The following PGBD5 variants were observed in gnomAD, a reference collection of about 807,000 sequenced individuals.
PGBD5 encodes piggyBac transposable element-derived protein 5.
In PGBD5, 14 loss-of-function variants were observed where a neutral mutation model predicts 47.9. The ratio of observed to expected loss-of-function variants is 0.29; its 90% CI spans 0.19 to 0.46. The LOEUF is 0.46. Ranked by LOEUF, PGBD5 falls within the 20% of genes least tolerant of loss-of-function variation. The probability of loss-of-function intolerance (pLI) is 1.00; values close to 1 mark genes in which losing one functional copy is unlikely to be tolerated. For missense variants in PGBD5, 635 were observed against 716.0 expected, an observed-to-expected ratio of 0.89 and a Z score of 1.29; for synonymous variants, 316 against 306.3, an observed-to-expected ratio of 1.03 and a Z score of -0.33.
At chr1:230,379,672 A>G (rs1453693423) in intron 1 of PGBD5, among the ~76,000 whole-genome samples, 1 of 152,194 alleles carries the variant, frequency 6.6e-6, no homozygotes, top group Non-Finnish European at 1.5e-5. Flanking sequence ...TACCCAGCTC[A>G]ACTAGCCTGT....
intron 3 of PGBD5, among the ~76,000 whole-genome samples, chr1:230,345,749 TA>T (rs1167631916): frequency 6.6e-6 from 1 of 152,226 alleles, no homozygotes; most frequent in African/African-American, 2.4e-5. Flanking sequence ...ATCACGAGGG[TA>T]AACAACCATG....
At chr1:230,358,845 A>G (rs996696741) in intron 1 of PGBD5, among the ~76,000 whole-genome samples, 4 of 152,232 alleles carry the variant, frequency 2.6e-5, no homozygotes, top group South Asian at 2.1e-4. Context: ...ACAGGTTTGT[A>G]TAAGTATACT....
intron 1 of PGBD5, among the ~76,000 whole-genome samples, chr1:230,401,900 G>C (rs1019585790): frequency 2.0e-4 from 30 of 152,188 alleles, no homozygotes; most frequent in Admixed American, 2.0e-3. Flanking sequence ...CCCAGGCAAG[G>C]AGAGGCAAGG....
In PGBD5 at chr1:230,314,941, C is replaced by A. The variant is rs1428371719; in HGVS notation, c.*8484G>T. 6.6e-6 allele frequency: 1 copy of A among 151,932 alleles called. No individual in the cohort carries two copies. Among genetic ancestry groups the A allele is most frequent in the Non-Finnish European group, 1.5e-5 (1 of 68,032 alleles). 9.4% of individuals were successfully genotyped at this position (151,932 alleles called of 1,614,324 possible). Reference sequence around the variant, plus strand: ...GATTTCCTCATCATCAATGGCGGCTCTCCTGAACTAGGGATGAGTGTGAAT... The same window carrying A: ...GATTTCCTCATCATCAATGGCGGCTATCCTGAACTAGGGATGAGTGTGAAT... On this transcript the variant is annotated 3_prime_UTR_variant, in exon 7 of 7. Coordinates refer to ENST00000391860, the MANE Select transcript of PGBD5 (RefSeq NM_001258311.2).
intron 4 of PGBD5, among the ~76,000 whole-genome samples, chr1:230,335,782 C>T (rs199922710): frequency 1.8e-3 from 1 of 562 alleles, no homozygotes; most frequent in African/African-American, 7.2e-3. Flanking sequence ...CAGACACACA[C>T]ACACACACAG....
intron 5 of PGBD5, among the ~76,000 whole-genome samples, chr1:230,328,889 G>C (rs146541233): frequency 3.9e-5 from 6 of 152,246 alleles, no homozygotes; most frequent in African/African-American, 1.4e-4. Context: ...AAAGCAAAAG[G>C]GTTTGGTTCA....
chr1:230,418,189 T>A (rs2102754438), intron 1 of PGBD5, among the ~76,000 whole-genome samples: 1 of 152,262 alleles, frequency 6.6e-6, no homozygotes, highest in East Asian at 1.9e-4. Context: ...CACTCCTAGG[T>A]ATACATGGCC....
At chr1:230,346,750 C>T (rs1667477907) in intron 3 of PGBD5, among the ~76,000 whole-genome samples, 1 of 152,202 alleles carries the variant, frequency 6.6e-6, no homozygotes, top group Admixed American at 6.5e-5. Flanking sequence ...CTTACCCCTA[C>T]AGGTGCCTTC....
intron 1 of PGBD5, among the ~76,000 whole-genome samples, chr1:230,411,072 C>T (rs1657397363): frequency 6.6e-6 from 1 of 151,838 alleles, no homozygotes; most frequent in Non-Finnish European, 1.5e-5. Flanking sequence ...TGCCCAGGAG[C>T]TCAAGACCAG....
At chr1:230,353,409 T>C (rs564505157) in intron 2 of PGBD5, among the ~76,000 whole-genome samples, 3 of 152,204 alleles carry the variant, frequency 2.0e-5, no homozygotes, top group Admixed American at 2.0e-4. Flanking sequence ...TATCTCCCCA[T>C]TTTGTATTTG....
At chr1:230,325,916 C>G (rs1667109503) in intron 5 of PGBD5, among the ~76,000 whole-genome samples, 1 of 144,992 alleles carries the variant, frequency 6.9e-6, no homozygotes, top group South Asian at 2.5e-4. Flanking sequence ...TCACCCCACA[C>G]AGGGTGACTG....
In PGBD5 at chr1:230,425,408, C is replaced by T. The variant is rs1035151927; in HGVS notation, c.331+190G>A. ...CTGGCCACGGCCTCCGCCTTACCCTCTCCACCCACGGGTTCGGAGCCCCCA... is the reference window on the plus strand; with the variant it reads ...CTGGCCACGGCCTCCGCCTTACCCTTTCCACCCACGGGTTCGGAGCCCCCA... On this transcript the variant is annotated intron_variant, in intron 1 of 6. Transcript: ENST00000391860. This position sits in a 1 kb window ranked among gnomAD's most constrained non-coding sequence, Gnocchi z 4.7. Among the ~76,000 whole-genome samples, 1 of 152,186 alleles carries T rather than the reference C, an allele frequency of 6.6e-6. No individual in the cohort carries two copies. Among genetic ancestry groups the T allele is most frequent in the African/African-American group, 2.4e-5 (1 of 41,446 alleles).
chr1:230,331,863 A>C (rs979969533), intron 5 of PGBD5, among the ~76,000 whole-genome samples: 26 of 151,898 alleles, frequency 1.7e-4, no homozygotes, highest in Admixed American at 6.6e-4. Context: ...TCTACAACCA[A>C]ATCGAGTATT....
intron 1 of PGBD5, among the ~76,000 whole-genome samples, chr1:230,406,265 G>A (rs895323940): frequency 1.5e-5 from 2 of 132,882 alleles, no homozygotes; most frequent in East Asian, 2.2e-4. Context: ...CCGAGATCAC[G>A]CCACTGCACT....
At chr1:230,325,282 T>G in intron 6 of PGBD5, 28 bp downstream of exon 6, 1 of 1,516,848 alleles carries the variant, frequency 6.6e-7, no homozygotes, top group South Asian at 1.1e-5. Context: ...TGAGAGCCCT[T>G]CTGTCATGGA....
At position 230,357,198 on chromosome 1, in the gene PGBD5, C is replaced by T. The variant is rs769792238; in HGVS notation, c.455G>A (p.Arg152Gln). The T allele has an allele frequency of 2.7e-5, 44 of 1,613,998 alleles. No homozygotes were observed. Among genetic ancestry groups the T allele is most frequent in the South Asian group, 4.4e-5 (4 of 91,084 alleles). Reference protein sequence around the residue: ...TNMYAKKFQERFGSDGAWVEV... With the variant: ...TNMYAKKFQEQFGSDGAWVEV... ...CACCCAGGCTCCGTCGCTCCCAAACCGCTCCTGGAACTTCTTGGCATACAT... is the reference window on the plus strand; with the variant it reads ...CACCCAGGCTCCGTCGCTCCCAAACTGCTCCTGGAACTTCTTGGCATACAT... The change falls in exon 2 of 7, where the codon CGG (arginine) becomes CAG (glutamine). Residue 152 changes from arginine to glutamine, a missense_variant. Coordinates refer to ENST00000391860, the MANE Select transcript of PGBD5 (RefSeq NM_001258311.2). This position sits in a 1 kb window ranked among gnomAD's most constrained non-coding sequence, Gnocchi z 5.7.
chr1:230,416,320 G>A (rs1203597439), intron 1 of PGBD5, among the ~76,000 whole-genome samples: 1 of 152,152 alleles, frequency 6.6e-6, no homozygotes, highest in Non-Finnish European at 1.5e-5. Context: ...TGTTGGAAAT[G>A]CTCAGCTTGT....
chr1:230,346,357 A>G (rs567568554), intron 3 of PGBD5, among the ~76,000 whole-genome samples: 47 of 152,200 alleles, frequency 3.1e-4, no homozygotes, highest in African/African-American at 7.5e-4. Flanking sequence ...GGTATTTTCA[A>G]TTTACTAGGG....
At chr1:230,419,846 C>A (rs777703450) in intron 1 of PGBD5, among the ~76,000 whole-genome samples, 11 of 152,184 alleles carry the variant, frequency 7.2e-5, no homozygotes, top group Non-Finnish European at 1.6e-4. Context: ...AAGCTTCAGG[C>A]CAGGCGTGGT....
Sources: gnomAD v4.1 joint callset for allele counts (sites outside exome capture counted in the v4.1 genomes callset) on GRCh38, gnomAD v4.1.1 for gene constraint, Gnocchi (gnomAD v3.1) non-coding constraint, MANE v1.5 for transcripts, NCBI Gene and HGNC (gene_info 2026-07-23, HGNC 2026-07-21) for gene names.